Variants in ELF5 observed in about 807,000 individuals in gnomAD.
The protein encoded by ELF5 is ETS-related transcription factor Elf-5.
Under a neutral mutation model 38.2 loss-of-function variants are expected in ELF5, and 31 were observed. The ratio of observed to expected loss-of-function variants is 0.81; its 90% CI spans 0.61 to 1.10. The LOEUF is 1.10. Ranked by LOEUF, ELF5 falls within the 50% of genes least tolerant of loss-of-function variation. The pLI is 0.00. For synonymous variants in ELF5, 121 were observed against 112.5 expected (o/e 1.08, Z -0.48); for missense variants, 300 against 306.6 (o/e 0.98, Z 0.16).
intron 4 of ELF5, among the ~76,000 whole-genome samples, chr11:34,483,079 C>T (rs1040759927): frequency 2.0e-4 from 30 of 152,040 alleles, no homozygotes; most frequent in African/African-American, 7.0e-4. Flanking sequence ...CCCCTGCTTG[C>T]TTTGCCCCAG....
At chr11:34,482,527 A>G in intron 4 of ELF5, 28 bp from the exon 5 acceptor site, 1 of 1,589,326 alleles carries the variant, frequency 6.3e-7, no homozygotes, top group South Asian at 1.1e-5. Context: ...ATAGCAGTGG[A>G]AAGGGATATA....
chr11:34,493,139 G>A, intron 3 of ELF5: 1 of 478,912 alleles, frequency 2.1e-6, no homozygotes, highest in Non-Finnish European at 3.7e-6. Flanking sequence ...AATGAGAGAT[G>A]AAGCACAAAC....
intron 4 of ELF5, 27 bp from the exon 5 acceptor site, chr11:34,482,526 G>A: frequency 6.3e-7 from 1 of 1,592,318 alleles, no homozygotes; most frequent in South Asian, 1.1e-5. Context: ...TATAGCAGTG[G>A]AAAGGGATAT....
intron 2 of ELF5, among the ~76,000 whole-genome samples, chr11:34,501,710 C>T (rs915609406): frequency 2.0e-5 from 3 of 152,106 alleles, no homozygotes; most frequent in African/African-American, 4.8e-5. Flanking sequence ...TGTCCAACCT[C>T]CTGCCTGCAG....
At chr11:34,499,747 T>C (rs1850411280) in intron 2 of ELF5, among the ~76,000 whole-genome samples, 1 of 152,180 alleles carries the variant, frequency 6.6e-6, no homozygotes, top group East Asian at 1.9e-4. Flanking sequence ...AAGAATCCAA[T>C]TCTTGTTCCC....
intron 1 of ELF5, 147 bp from the exon 2 acceptor site, chr11:34,505,900 C>CTCGTAGGTGACA: frequency 4.1e-6 from 4 of 965,804 alleles, no homozygotes; most frequent in Non-Finnish European, 5.8e-6. Flanking sequence ...CCTAGTGTCA[C>CTCGTAGGTGACA]CTACGAGTGA....
chr11:34,484,622 T>C (rs1849939179), intron 4 of ELF5, among the ~76,000 whole-genome samples: 1 of 152,078 alleles, frequency 6.6e-6, no homozygotes, highest in Non-Finnish European at 1.5e-5. Flanking sequence ...TGCCCCACAC[T>C]GCTGCTTAGG....
chr11:34,497,102 G>A (rs991950668), intron 2 of ELF5, among the ~76,000 whole-genome samples: 1 of 152,318 alleles, frequency 6.6e-6, no homozygotes, highest in East Asian at 1.9e-4. Context: ...ATAGTGTTTA[G>A]AACCTTAATG....
At position 34,480,235 on chromosome 11, in the gene ELF5, G is replaced by C; in HGVS notation, c.751C>G (p.Gln251Glu). The C allele has an allele frequency of 1.2e-6, 2 of 1,613,974 alleles. No individual in the cohort carries two copies. The highest frequency in any genetic ancestry group is 1.7e-6 in the Non-Finnish European group (2 of 1,179,930). Residue 251 changes from glutamine (Q) to glutamate (E), a missense_variant, in exon 7 of 7, where the codon CAG becomes GAG. By Grantham distance (29) the Gln-to-Glu change is conservative. Coordinates refer to ENST00000257832, the MANE Select transcript of ELF5 (RefSeq NM_001422.4). Reference sequence around the variant, plus strand: ...GGAGCAGATCATAGCTTGTCTTCCTGCCACCCGTGTGCATTTTTTCCAAAT... The same window carrying C: ...GGAGCAGATCATAGCTTGTCTTCCTCCCACCCGTGTGCATTTTTTCCAAAT... Reference protein sequence around the residue: ...YKFGKNAHGWQEDKL With the variant: ...YKFGKNAHGWEEDKL
chr11:34,513,638 C>T (rs1052749478), intron 1 of ELF5, 39 bp downstream of exon 1: 3 of 152,410 alleles, frequency 2.0e-5, no homozygotes, highest in Admixed American at 1.3e-4. Flanking sequence ...CCTGACACCC[C>T]TTACGATTCA....
rs543361184 is a variant in ELF5 at position 34,499,931 on chromosome 11, C to G, written c.121+5698G>C. On this transcript the variant is annotated intron_variant, in intron 2 of 6. Coordinates refer to ENST00000257832, the MANE Select transcript of ELF5 (RefSeq NM_001422.4). ...CCTAACCTCTCTGGACCTCAGTTTC[C>G]TTCACTGGTAAAATAAAAATAACAA... Among the ~76,000 whole-genome samples, 33 of 152,308 alleles carry G rather than the reference C, an allele frequency of 2.2e-4. No individual in the cohort carries two copies. The East Asian group carries it at 6.4e-3, about 29-fold the overall frequency.
chr11:34,510,120 T>C (rs1481327181), intron 1 of ELF5, among the ~76,000 whole-genome samples: 2 of 152,238 alleles, frequency 1.3e-5, no homozygotes, highest in Non-Finnish European at 2.9e-5. Context: ...ACCGGCCTAC[T>C]CACTTGATCT....
intron 2 of ELF5, among the ~76,000 whole-genome samples, 174 bp downstream of exon 2, chr11:34,505,455 C>G (rs546494304): frequency 2.0e-5 from 3 of 152,292 alleles, no homozygotes; most frequent in South Asian, 4.1e-4. Flanking sequence ...GTTCCAGCAC[C>G]TTTTATCTGC....
At chr11:34,509,158 C>T (rs774395908) in intron 1 of ELF5, among the ~76,000 whole-genome samples, 24 of 152,072 alleles carry the variant, frequency 1.6e-4, no homozygotes, top group Non-Finnish European at 3.1e-4. Context: ...GGCGAAACCC[C>T]GTCTCCACTA....
intron 1 of ELF5, among the ~76,000 whole-genome samples, chr11:34,512,158 A>C (rs1372765122): frequency 6.6e-6 from 1 of 152,156 alleles, no homozygotes; most frequent in Non-Finnish European, 1.5e-5. Context: ...AGGAGAACCC[A>C]GTGGAGTATT....
intron 1 of ELF5, 57 bp downstream of exon 1, chr11:34,513,620 C>G (rs1447688897): frequency 6.6e-6 from 1 of 152,474 alleles, no homozygotes; most frequent in Non-Finnish European, 1.5e-5. Context: ...CAGGCCGAGC[C>G]TCTGAGCCCT....
Position 34,509,998 on chromosome 11 carries a change from C to CA in ELF5, c.-5+3678dup, listed in dbSNP as rs1030649646. ...GCTCTCAAAAGTCATTGGGTATTAA[C>CA]AAAAAAAAAGGTCATTTGGTAAATT... On this transcript the variant is annotated intron_variant, in intron 1 of 6. Transcript: ENST00000257832. Among the ~76,000 whole-genome samples the CA allele has an allele frequency of 8.7e-5, 13 of 149,786 alleles. 1 individual carries two copies. In the South Asian group the frequency reaches 2.1e-3, roughly 24 times the overall value.
intron 3 of ELF5, among the ~76,000 whole-genome samples, chr11:34,490,385 T>C (rs1850136002): frequency 1.3e-5 from 2 of 152,208 alleles, no homozygotes; most frequent in South Asian, 4.1e-4. Context: ...TGGGCCGGGC[T>C]ACTGATCCCT....
chr11:34,511,883 T>C, intron 1 of ELF5: 1 of 378,382 alleles, frequency 2.6e-6, no homozygotes, highest in Non-Finnish European at 4.8e-6. Context: ...GACCAAAAAT[T>C]GGCCCAATTA....
Sources: allele counts gnomAD v4.1 joint callset (sites outside exome capture counted in the v4.1 genomes callset), GRCh38; gene constraint gnomAD v4.1.1; transcripts MANE v1.5; gene names NCBI Gene and HGNC (gene_info 2026-07-23, HGNC 2026-07-21).